RSRC1: variants seen among roughly 807,000 people sequenced by gnomAD.
The protein encoded by RSRC1 is arginine and serine rich coiled-coil 1.
In RSRC1, 39 loss-of-function variants were observed where a neutral mutation model predicts 49.1. The ratio of observed to expected loss-of-function variants is 0.79; its 90% confidence interval spans 0.61 to 1.04. RSRC1 has a LOEUF of 1.04. Among genes scored for constraint, RSRC1 ranks in the 50% least tolerant of loss-of-function variants. RSRC1 has a pLI of 0.00. For synonymous variants in RSRC1, 143 were observed against 130.8 expected (o/e 1.09, Z -0.63); for missense variants, 388 against 402.4 (o/e 0.96, Z 0.31).
At chr3:158,448,824 T>G (rs1345164918) in intron 6 of RSRC1, among the ~76,000 whole-genome samples, 1 of 151,884 alleles carries the variant, frequency 6.6e-6, no homozygotes, top group Non-Finnish European at 1.5e-5. Context: ...ATGTGGGCCA[T>G]AAGATTTAAG....
chr3:158,481,306 A>G (rs1738606716), intron 7 of RSRC1, among the ~76,000 whole-genome samples: 1 of 152,122 alleles, frequency 6.6e-6, no homozygotes, highest in Non-Finnish European at 1.5e-5. Flanking sequence ...CTGTGCATCC[A>G]GGTTACCCTG....
At chr3:158,240,824 C>A (rs1210755930) in intron 4 of RSRC1, among the ~76,000 whole-genome samples, 1 of 152,116 alleles carries the variant, frequency 6.6e-6, no homozygotes, top group Non-Finnish European at 1.5e-5. Flanking sequence ...TATGTGCTAC[C>A]AGCCTGTTAG....
chr3:158,499,891 C>T (rs999457100), intron 7 of RSRC1, among the ~76,000 whole-genome samples: 7 of 152,110 alleles, frequency 4.6e-5, no homozygotes, highest in Admixed American at 1.3e-4. Context: ...GCTATGACTT[C>T]GAGTACTATG....
At chr3:158,405,715 A>G (rs1191180058) in intron 6 of RSRC1, among the ~76,000 whole-genome samples, 1 of 152,140 alleles carries the variant, frequency 6.6e-6, no homozygotes, top group East Asian at 1.9e-4. Flanking sequence ...GGTTGATGCC[A>G]TTTGGGCATT....
Position 158,247,175 on chromosome 3 carries a change from TTAA to T in RSRC1, c.494+43933_494+43935del, listed in dbSNP as rs773003851. On this transcript the variant is annotated intron_variant, in intron 4 of 9. Coordinates refer to ENST00000611884, the MANE Select transcript of RSRC1 (RefSeq NM_001271838.2). ...TTCCTCCACTTGGTCCATTCTGCCA[TTAA>T]TACTGTGATTGAATTGTGAGGTTAT... 2.8e-4 allele frequency among the ~76,000 whole-genome samples: 43 copies of T among 152,336 alleles called. No individual in the cohort carries two copies. The Middle Eastern group carries it at 0.014, about 48-fold the overall frequency.
chr3:158,350,210 C>T (rs1215524428), intron 5 of RSRC1, among the ~76,000 whole-genome samples: 1 of 138,222 alleles, frequency 7.2e-6, no homozygotes, highest in South Asian at 2.3e-4. Flanking sequence ...AAAGGTCTGG[C>T]TCTATCACCC....
intron 3 of RSRC1, among the ~76,000 whole-genome samples, chr3:158,198,388 T>C (rs1720784452): frequency 3.3e-5 from 5 of 152,186 alleles, no homozygotes; most frequent in African/African-American, 9.7e-5. Context: ...TGTGTATCTC[T>C]GCATGTGAGA....
At chr3:158,380,099 C>G (rs529652607) in intron 6 of RSRC1, among the ~76,000 whole-genome samples, 1 of 152,220 alleles carries the variant, frequency 6.6e-6, no homozygotes, top group South Asian at 2.1e-4. Flanking sequence ...TTTTCTCTAG[C>G]TACTAAAAGC....
At chr3:158,321,133 T>C (rs1728730085) in intron 5 of RSRC1, among the ~76,000 whole-genome samples, 1 of 152,096 alleles carries the variant, frequency 6.6e-6, no homozygotes. Context: ...GTATTCACCT[T>C]CCTCTTCATC....
chr3:158,142,212 C>T (rs1047109250), intron 3 of RSRC1, among the ~76,000 whole-genome samples: 1 of 152,070 alleles, frequency 6.6e-6, no homozygotes, highest in Non-Finnish European at 1.5e-5. Context: ...TTATGCTTAC[C>T]TTCATTGTAG....
chr3:158,262,587 G>T lies in RSRC1; in HGVS notation c.495-35452G>T, dbSNP rs946109511. Among the ~76,000 whole-genome samples, 10 of 152,010 alleles carry T rather than the reference G, an allele frequency of 6.6e-5. No individual in the cohort carries two copies. In the East Asian group the frequency reaches 1.9e-3, roughly 29 times the overall value. On this transcript the variant is annotated intron_variant, in intron 4 of 9. Coordinates refer to ENST00000611884, the MANE Select transcript of RSRC1 (RefSeq NM_001271838.2). ...CACAAATTTTATAATCATCTTGTCA[G>T]TTCTATAAAATATCCTGCTTTGATT...
intron 4 of RSRC1, among the ~76,000 whole-genome samples, chr3:158,232,025 C>T (rs894789077): frequency 2.6e-5 from 4 of 152,046 alleles, no homozygotes; most frequent in Non-Finnish European, 5.9e-5. Flanking sequence ...TAAAATGTCA[C>T]TTGTTGTTAC....
At chr3:158,448,495 G>A (rs765672348) in intron 6 of RSRC1, among the ~76,000 whole-genome samples, 13 of 151,688 alleles carry the variant, frequency 8.6e-5, no homozygotes, top group African/African-American at 2.9e-4. Flanking sequence ...AAGACCTTAC[G>A]CATTTAAAAA....
chr3:158,192,347 A>G (rs1720297139), intron 3 of RSRC1, among the ~76,000 whole-genome samples: 1 of 152,128 alleles, frequency 6.6e-6, no homozygotes, highest in Non-Finnish European at 1.5e-5. Flanking sequence ...AATTTTCAAG[A>G]GATGAATTGC....
intron 4 of RSRC1, among the ~76,000 whole-genome samples, chr3:158,212,793 C>T (rs1454932349): frequency 1.3e-5 from 2 of 151,886 alleles, no homozygotes; most frequent in Non-Finnish European, 2.9e-5. Context: ...CAAGTAGGTC[C>T]CCTAAATGCT....
At chr3:158,304,623 T>G (rs1405388100) in intron 5 of RSRC1, among the ~76,000 whole-genome samples, 1 of 152,158 alleles carries the variant, frequency 6.6e-6, no homozygotes, top group Admixed American at 6.5e-5. Flanking sequence ...CTCAATAAAT[T>G]TATTAAACAC....
At chr3:158,262,792 T>C (rs1378347309) in intron 4 of RSRC1, among the ~76,000 whole-genome samples, 1 of 152,104 alleles carries the variant, frequency 6.6e-6, no homozygotes, top group Non-Finnish European at 1.5e-5. Context: ...AAAAATTTCC[T>C]GAAGTATTTC....
intron 3 of RSRC1, among the ~76,000 whole-genome samples, chr3:158,129,230 TA>T (rs1199524818): frequency 1.3e-4 from 20 of 151,748 alleles, no homozygotes; most frequent in African/African-American, 4.8e-4. Flanking sequence ...TCATATGAGA[TA>T]GGGGGTTAGG....
At chr3:158,193,405 CTTT>C (rs1174712021) in intron 3 of RSRC1, among the ~76,000 whole-genome samples, 1 of 151,814 alleles carries the variant, frequency 6.6e-6, no homozygotes, top group Non-Finnish European at 1.5e-5. Context: ...AAGAAATGAG[CTTT>C]TATTAGAGAT....
Sources: gnomAD v4.1 joint callset for allele counts (sites outside exome capture counted in the v4.1 genomes callset) on GRCh38, gnomAD v4.1.1 for gene constraint, MANE v1.5 for transcripts, NCBI Gene and HGNC (gene_info 2026-07-23, HGNC 2026-07-21) for gene names.